Variants in UGT2B7 observed in about 807,000 individuals in gnomAD.
The protein encoded by UGT2B7 is UDP glucuronosyltransferase family 2 member B7.
In UGT2B7, 51 loss-of-function variants were observed where a neutral mutation model predicts 51.9. The ratio of observed to expected loss-of-function variants is 0.98; its 90% CI spans 0.78 to 1.24. The LOEUF (loss-of-function observed/expected upper bound fraction) is 1.24. Among genes scored for constraint, UGT2B7 ranks in the 50% most tolerant of loss-of-function variants. UGT2B7 has a pLI of 0.00. For missense variants in UGT2B7, 727 were observed against 628.4 expected (o/e 1.16, Z -1.68); for synonymous variants, 225 against 211.6 (o/e 1.06, Z -0.55).
In UGT2B7 at chr4:69,108,600, ATAAT is replaced by A. The variant is rs550094549; in HGVS notation, c.1310+283_1310+286del. On this transcript the variant is annotated intron_variant, in intron 5 of 5. Transcript: ENST00000305231. Reference sequence around the variant, plus strand: ...AAAATACATTTCTTAAAAATTTGACATAATTAATCCATAGAAGAAAGGAAGAATA... The same window carrying A: ...AAAATACATTTCTTAAAAATTTGACATAATCCATAGAAGAAAGGAAGAATA... Among the ~76,000 whole-genome samples the A allele has an allele frequency of 5.1e-4, 77 of 152,206 alleles. No individual in the cohort carries two copies. The South Asian group carries it at 0.012, about 23-fold the overall frequency.
chr4:69,054,943 C>T (rs1386261983), intron 1 of UGT2B7, among the ~76,000 whole-genome samples: 4 of 151,512 alleles, frequency 2.6e-5, no homozygotes, highest in Middle Eastern at 3.4e-3. Context: ...ATTATGAATG[C>T]CTAGGAACTC....
chr4:69,094,078 A>G (rs1719154141), upstream of UGT2B7, among the ~76,000 whole-genome samples: 1 of 152,044 alleles, frequency 6.6e-6, no homozygotes, highest in Non-Finnish European at 1.5e-5. Context: ...CTAGAATACT[A>G]AAATAAAGCA....
At chr4:69,092,985 T>G (rs1719118208), upstream of UGT2B7, among the ~76,000 whole-genome samples, 1 of 150,036 alleles carries the variant, frequency 6.7e-6, no homozygotes, top group Non-Finnish European at 1.5e-5. Context: ...AAAACAATAT[T>G]AATACTTTGG....
At chr4:69,077,790 C>T (rs928558304) in intron 1 of UGT2B7, among the ~76,000 whole-genome samples, 2 of 152,102 alleles carry the variant, frequency 1.3e-5, no homozygotes, top group African/African-American at 2.4e-5. Context: ...TGCCAGATTT[C>T]CCTAGCCAGA....
chr4:69,098,444 C>A, intron 1 of UGT2B7, 96 bp from the exon 2 acceptor site: 1 of 1,393,096 alleles, frequency 7.2e-7, no homozygotes, highest in African/African-American at 1.5e-5. Context: ...CAGATATTTG[C>A]CTACATTTTT....
chr4:69,059,069 G>C (rs1351398121), intron 1 of UGT2B7, among the ~76,000 whole-genome samples: 1 of 152,236 alleles, frequency 6.6e-6, no homozygotes, highest in African/African-American at 2.4e-5. Flanking sequence ...ACCAGGCACT[G>C]ATCTGATCAG....
At chr4:69,087,966 T>C (rs949258669) in intron 1 of UGT2B7, among the ~76,000 whole-genome samples, 2 of 152,054 alleles carry the variant, frequency 1.3e-5, no homozygotes, top group African/African-American at 4.8e-5. Context: ...ATGGATACTG[T>C]CATCTTTCTC....
rs1311687129 is a variant in UGT2B7 at position 69,106,838 on chromosome 4, C to T, written c.1003-337C>T. Among the ~76,000 whole-genome samples, 3 of 150,068 alleles carry T rather than the reference C, an allele frequency of 2.0e-5. No individual in the cohort carries two copies. In the East Asian group the frequency reaches 5.9e-4, roughly 29 times the overall value. On this transcript the variant is annotated intron_variant, in intron 3 of 5. Transcript: ENST00000305231. ...CATTATGGTTTTGATTTGCATTTCT[C>T]TAATGATGTTAAGCTTTTTTCTTTT...
chr4:69,055,633 T>G (rs1184219623), intron 1 of UGT2B7, among the ~76,000 whole-genome samples: 2 of 152,150 alleles, frequency 1.3e-5, no homozygotes, highest in Non-Finnish European at 2.9e-5. Context: ...GCCGAACACA[T>G]AGCCCAGTCT....
At chr4:69,053,390 G>C (rs1235251616) in intron 1 of UGT2B7, among the ~76,000 whole-genome samples, 1 of 152,180 alleles carries the variant, frequency 6.6e-6, no homozygotes, top group African/African-American at 2.4e-5. Context: ...AATTAAGACA[G>C]CATACCAAGA....
intron 1 of UGT2B7, among the ~76,000 whole-genome samples, chr4:69,077,622 C>T (rs57562419): frequency 0.024 from 3,604 of 151,696 alleles, 148 homozygotes; most frequent in African/African-American, 0.083. Flanking sequence ...GATTTTTGCA[C>T]ATTGACTTCG....
In UGT2B7 at chr4:69,102,841, A is replaced by G. The variant is rs763910814; in HGVS notation, c.905A>G (p.Asn302Ser). 6.2e-7 allele frequency: 1 copy of G among 1,613,440 alleles called. No homozygotes were observed. Among genetic ancestry groups the G allele is most frequent in the East Asian group, 2.2e-5 (1 of 44,844 alleles). ...GACTTTGTACAGAGCTCTGGAGAAAATGGTGTTGTGGTGTTTTCTCTGGGG... is the reference window on the plus strand; with the variant it reads ...GACTTTGTACAGAGCTCTGGAGAAAGTGGTGTTGTGGTGTTTTCTCTGGGG... ...MEDFVQSSGE[N>S]GVVVFSLGSM... The change falls in exon 3 of 6, where the codon AAT becomes AGT. Residue 302 changes from asparagine (N) to serine (S), a missense_variant. Coordinates refer to ENST00000305231, the MANE Select transcript of UGT2B7 (RefSeq NM_001074.4).
chr4:69,089,279 A>G (rs1560506152), intron 1 of UGT2B7, among the ~76,000 whole-genome samples: 1 of 152,192 alleles, frequency 6.6e-6, no homozygotes, highest in Non-Finnish European at 1.5e-5. Flanking sequence ...TTTCTAGTAC[A>G]TAATTACTAT....
chr4:69,074,370 C>T (rs912689925), intron 1 of UGT2B7, among the ~76,000 whole-genome samples: 3 of 150,332 alleles, frequency 2.0e-5, no homozygotes, highest in African/African-American at 7.5e-5. Flanking sequence ...TGCAGTGAGC[C>T]CTGAACACAC....
At chr4:69,098,371 A>C (rs1719308140) in intron 1 of UGT2B7, among the ~76,000 whole-genome samples, 169 bp from the exon 2 acceptor site, 2 of 152,054 alleles carry the variant, frequency 1.3e-5, no homozygotes, top group Non-Finnish European at 1.5e-5. Context: ...CATGGGCAAA[A>C]TATGTAATAC....
chr4:69,112,596 A>G lies in UGT2B7; in HGVS notation c.1450A>G (p.Thr484Ala). 1 of 1,613,754 alleles carries G rather than the reference A, an allele frequency of 6.2e-7. No individual in the cohort carries two copies. Among genetic ancestry groups the G allele is most frequent in the Non-Finnish European group, 8.5e-7 (1 of 1,179,830 alleles). ...KHLRVAAHDL[T>A]WFQYHSLDVI... Reference sequence around the variant, plus strand: ...CCTTCGGGTTGCAGCCCACGACCTCACCTGGTTCCAGTACCACTCTTTGGA... The same window carrying G: ...CCTTCGGGTTGCAGCCCACGACCTCGCCTGGTTCCAGTACCACTCTTTGGA... Residue 484 changes from threonine to alanine, a missense_variant, in exon 6 of 6, where the codon ACC becomes GCC. Coordinates refer to ENST00000305231, the MANE Select transcript of UGT2B7 (RefSeq NM_001074.4).
At chr4:69,098,863 A>G (rs1719334089) in intron 2 of UGT2B7, among the ~76,000 whole-genome samples, 175 bp downstream of exon 2, 1 of 152,082 alleles carries the variant, frequency 6.6e-6, no homozygotes, top group Non-Finnish European at 1.5e-5. Context: ...CACGTATATG[A>G]GTTTTATGAG....
At chr4:69,061,280 G>T (rs982635089) in intron 1 of UGT2B7, among the ~76,000 whole-genome samples, 2 of 152,198 alleles carry the variant, frequency 1.3e-5, no homozygotes, top group Admixed American at 1.3e-4. Context: ...ACTCCTGGAG[G>T]TAAAGAAATA....
In UGT2B7 at chr4:69,096,946, G is replaced by A. The variant is rs1719253404; in HGVS notation, c.426G>A (p.Glu142=). 1.2e-6 allele frequency: 2 copies of A among 1,613,234 alleles called. No individual in the cohort carries two copies. The highest frequency in any genetic ancestry group is 2.2e-5 in the East Asian group (1 of 44,858). Reference sequence around the variant, plus strand: ...AGAAATTTATGAAAAAAGTACAAGAGTCAAGATTTGACGTCATTTTTGCAG... The same window carrying A: ...AGAAATTTATGAAAAAAGTACAAGAATCAAGATTTGACGTCATTTTTGCAG... ...SNKKFMKKVQ[E]SRFDVIFADA... is the part of the protein sequence containing the mutation. The change falls in exon 1 of 6, where the codon GAG becomes GAA. Residue 142 remains glutamate, a synonymous_variant. Coordinates refer to ENST00000305231, the MANE Select transcript of UGT2B7 (RefSeq NM_001074.4).
Sources: gnomAD v4.1 joint callset for allele counts (sites outside exome capture counted in the v4.1 genomes callset) on GRCh38, gnomAD v4.1.1 for gene constraint, MANE v1.5 for transcripts, NCBI Gene and HGNC (gene_info 2026-07-23, HGNC 2026-07-21) for gene names.